RC3H1: variants seen among roughly 807,000 people sequenced by gnomAD.
RC3H1 encodes the protein roquin-1.
RC3H1 carries 50 observed loss-of-function variants against 138.2 expected under a neutral mutation model. The ratio of observed to expected loss-of-function variants is 0.36; its 90% confidence interval spans 0.29 to 0.46. The LOEUF (loss-of-function observed/expected upper bound fraction) is 0.46. RC3H1 is among the 20% of genes least tolerant of loss of function. The probability of loss-of-function intolerance (pLI) is 1.00; values close to 1 mark genes in which losing one functional copy is unlikely to be tolerated. For missense variants in RC3H1, 1,031 were observed against 1,388.1 expected, an observed-to-expected ratio of 0.74 and a Z score of 4.09; for synonymous variants, 462 against 489.1, an observed-to-expected ratio of 0.94 and a Z score of 0.73.
In RC3H1 at chr1:173,937,009, A is replaced by G. The variant is rs1222242316; in HGVS notation, c.*1712T>C. On this transcript the variant is annotated 3_prime_UTR_variant, in exon 20 of 20. Coordinates refer to ENST00000367696, the MANE Select transcript of RC3H1 (RefSeq NM_172071.4). ...AAAAGAAAGCTCGAATCCCAAGCCA[A>G]TATGTGTATATCAAATCCTTGACCA... The G allele has an allele frequency of 6.6e-6, 1 of 151,196 alleles. No homozygotes were observed. The highest frequency in any genetic ancestry group is 2.4e-5 in the African/African-American group (1 of 41,240). The allele number at this position is 151,196 out of a possible 1,614,324, so 9.4% of individuals were successfully genotyped here.
Position 173,961,156 on chromosome 1 carries a change from T to A in RC3H1, c.2291A>T (p.Gln764Leu), listed in dbSNP as rs1467036799. Reference protein sequence around the residue: ...LHRRRKEIMAQLEERKVISPP... With the variant: ...LHRRRKEIMALLEERKVISPP... ...AGAGATAACCTTTCTTTCCTCTAGC[T>A]GGGCCATTATTTCCTTTCGTCGGCG... is the stretch of plus-strand genomic sequence containing the variant. Residue 764 changes from glutamine to leucine, a missense_variant, in exon 13 of 20, where the codon CAG becomes CTG. This residue lies in a region of RC3H1 where 716 missense variants were observed against 837.9 expected (regional missense o/e 0.85). Transcript: ENST00000367696. The A allele has an allele frequency of 6.2e-7, 1 of 1,614,056 alleles. No individual in the cohort carries two copies. Among genetic ancestry groups the A allele is most frequent in the Non-Finnish European group, 8.5e-7 (1 of 1,179,972 alleles).
At position 173,961,072 on chromosome 1, in the gene RC3H1, C is replaced by T. The variant is rs774001294; in HGVS notation, c.2370+5G>A. On this transcript the variant is annotated splice_donor_5th_base_variant and intron_variant, in intron 13 of 19. Transcript: ENST00000367696. Reference sequence around the variant, plus strand: ...GATAAATGAGACTAAAAATGATTTGCTTACTTCTTCCGGATGAAAGGTAGG... The same window carrying T: ...GATAAATGAGACTAAAAATGATTTGTTTACTTCTTCCGGATGAAAGGTAGG... 1 of 1,611,668 alleles carries T rather than the reference C, an allele frequency of 6.2e-7. No homozygotes were observed. The highest frequency in any genetic ancestry group is 1.1e-5 in the South Asian group (1 of 90,750).
chr1:173,937,086 G>A lies in RC3H1; in HGVS notation c.*1635C>T, dbSNP rs781235883. 6.6e-6 allele frequency: 1 copy of A among 152,176 alleles called. No individual in the cohort carries two copies. Among genetic ancestry groups the A allele is most frequent in the Admixed American group, 6.6e-5 (1 of 15,216 alleles). 9.4% of individuals were successfully genotyped at this position (152,176 alleles called of 1,614,324 possible). On this transcript the variant is annotated 3_prime_UTR_variant, in exon 20 of 20. Transcript: ENST00000367696. The stretch of plus-strand genomic sequence containing the variant: ...TCAATGTGAAATAGTATATAAACAC[G>A]GTGCCTTGACTGGGCAAATTAAATA...
intron 1 of RC3H1, among the ~76,000 whole-genome samples, chr1:174,020,836 C>T (rs930199348): frequency 6.6e-6 from 1 of 152,012 alleles, no homozygotes; most frequent in East Asian, 1.9e-4. Flanking sequence ...TGGTGAAACC[C>T]CGTCTCTACT....
intron 8 of RC3H1, 79 bp downstream of exon 8, chr1:173,972,430 G>C: frequency 1.1e-6 from 1 of 910,400 alleles, no homozygotes; most frequent in Admixed American, 1.8e-5. Flanking sequence ...GTATCTGTAG[G>C]TATACCCACA....
chr1:173,965,915 C>T lies in RC3H1; in HGVS notation c.1335-795G>A, dbSNP rs183391138. 2.5e-3 allele frequency among the ~76,000 whole-genome samples: 383 copies of T among 152,204 alleles called. 2 individuals carry two copies. The highest frequency in any genetic ancestry group is 8.4e-3 in the African/African-American group (348 of 41,530). On this transcript the variant is annotated intron_variant, in intron 9 of 19. Transcript: ENST00000367696. The stretch of plus-strand genomic sequence containing the variant: ...CAGCACTCTGGGAGGCTGAAGCGGG[C>T]GAATCACTTGAGCTCAGGAGTTTGA...
rs766103183 is a variant in RC3H1 at position 173,984,617 on chromosome 1, G to A, written c.234C>T (p.Val78=). 5.6e-6 allele frequency: 9 copies of A among 1,611,406 alleles called. No individual in the cohort carries two copies. In the Admixed American group the frequency reaches 1.5e-4, roughly 27 times the overall value. ...ACAAAGTAATAGGCTGCTGCTCAGG[G>A]ACCTGGAGGCCAAAAGAAAAGATCT... ...SALLQLVGAQ[V]PEQQPITLCS... Residue 78 remains valine, a splice_region_variant and synonymous_variant, in exon 3 of 20, where the codon GTC becomes GTT. Transcript: ENST00000367696.
intron 1 of RC3H1, among the ~76,000 whole-genome samples, chr1:173,999,350 A>C (rs867095431): frequency 1.3e-5 from 2 of 150,712 alleles, no homozygotes; most frequent in Middle Eastern, 6.8e-3. Flanking sequence ...ATTGCACTCC[A>C]GCCTGGGCAA....
At chr1:174,009,277 C>T (rs1557953103) in intron 1 of RC3H1, 1 of 152,156 alleles carries the variant, frequency 6.6e-6, no homozygotes, top group Non-Finnish European at 1.5e-5. Flanking sequence ...GTTTGTCCTA[C>T]TCTTCCTCCA....
intron 11 of RC3H1, among the ~76,000 whole-genome samples, chr1:173,962,933 G>A (rs937823099): frequency 5.9e-5 from 9 of 152,096 alleles, no homozygotes; most frequent in African/African-American, 2.2e-4. Context: ...ATGTAGAGAA[G>A]ACAACATGAT....
chr1:174,002,696 T>G (rs1250676406), intron 1 of RC3H1, among the ~76,000 whole-genome samples: 1 of 152,226 alleles, frequency 6.6e-6, no homozygotes, highest in Non-Finnish European at 1.5e-5. Context: ...CTTCTTTCTA[T>G]ATAGCATTTA....
In RC3H1 at chr1:174,017,581, T is replaced by C. The variant is rs372449778; in HGVS notation, c.-151+4515A>G. Among the ~76,000 whole-genome samples the C allele has an allele frequency of 6.6e-5, 10 of 152,120 alleles. No individual in the cohort carries two copies. In the East Asian group the frequency reaches 1.2e-3, roughly 18 times the overall value. On this transcript the variant is annotated intron_variant, in intron 1 of 19. Transcript: ENST00000367696. The stretch of plus-strand genomic sequence containing the variant: ...AGGGAAGAGGGGAATACAGAGTAAC[T>C]GCTTAATGGGTACAGTGTTTCCTTT...
chr1:173,938,689 G>T lies in RC3H1; in HGVS notation c.*32C>A. On this transcript the variant is annotated 3_prime_UTR_variant, in exon 20 of 20. Coordinates refer to ENST00000367696, the MANE Select transcript of RC3H1 (RefSeq NM_172071.4). ...CCCCTATGCCCGACAAACTGATTAG[G>T]AGCAGAAGATAAAAGTAGGACTCCT... 6.5e-7 allele frequency: 1 copy of T among 1,546,880 alleles called. No homozygotes were observed.
intron 14 of RC3H1, among the ~76,000 whole-genome samples, chr1:173,948,765 T>G (rs1318720657): frequency 6.6e-6 from 1 of 151,966 alleles, no homozygotes; most frequent in Non-Finnish European, 1.5e-5. Context: ...AAAAAAATTT[T>G]TGAAGAGATG....
At chr1:173,988,282 C>T (rs1032792553) in intron 2 of RC3H1, among the ~76,000 whole-genome samples, 1 of 152,204 alleles carries the variant, frequency 6.6e-6, no homozygotes, top group African/African-American at 2.4e-5. Context: ...TTTATTGTTG[C>T]TATGGTTTTA....
chr1:173,961,193 C>G lies in RC3H1; in HGVS notation c.2254G>C (p.Asp752His). Reference sequence around the variant, plus strand: ...TCCTTTCGTCGGCGATGTAGTTCATCTAGACTAGGATGAGGCTGGGGAGGA... The same window carrying G: ...TCCTTTCGTCGGCGATGTAGTTCATGTAGACTAGGATGAGGCTGGGGAGGA... ...PPPPQPHPSL[D>H]ELHRRRKEIM... is the part of the protein sequence containing the mutation. The change falls in exon 13 of 20, where the codon GAT becomes CAT. Residue 752 changes from aspartate (D) to histidine (H), a missense_variant. Physicochemically the swap from Asp to His is moderately conservative, Grantham distance 81. This residue lies in a region of RC3H1 where 716 missense variants were observed against 837.9 expected (regional missense o/e 0.85). Coordinates refer to ENST00000367696, the MANE Select transcript of RC3H1 (RefSeq NM_172071.4). The G allele has an allele frequency of 6.2e-7, 1 of 1,614,092 alleles. No individual in the cohort carries two copies. The highest frequency in any genetic ancestry group is 8.5e-7 in the Non-Finnish European group (1 of 1,180,006).
At chr1:173,941,757 CCCCGTCT>C (rs1284344494) in intron 18 of RC3H1, among the ~76,000 whole-genome samples, 3 of 152,078 alleles carry the variant, frequency 2.0e-5, no homozygotes, top group Admixed American at 1.3e-4. Flanking sequence ...CATGGCGAAA[CCCCGTCT>C]CTACTAAAAA....
intron 13 of RC3H1, 77 bp from the exon 14 acceptor site, chr1:173,952,215 C>T: frequency 9.7e-7 from 1 of 1,029,136 alleles, no homozygotes; most frequent in Non-Finnish European, 1.3e-6. Flanking sequence ...CTATGAGTAA[C>T]AAGACAGAGA....
chr1:173,971,064 C>T (rs547523884), intron 8 of RC3H1, among the ~76,000 whole-genome samples: 3 of 151,446 alleles, frequency 2.0e-5, no homozygotes, highest in South Asian at 2.1e-4. Flanking sequence ...CCGGCTCAAG[C>T]GATTCTCCTG....
Sources: allele counts gnomAD v4.1 joint callset (sites outside exome capture counted in the v4.1 genomes callset), GRCh38; gene constraint gnomAD v4.1.1; regional missense constraint gnomAD v4.1.1; transcripts MANE v1.5; gene names NCBI Gene and HGNC (gene_info 2026-07-23, HGNC 2026-07-21).